Variants in FRMD5 observed in about 807,000 individuals in gnomAD.
FRMD5 encodes the protein FERM domain-containing protein 5.
A neutral mutation model predicts 69.0 loss-of-function variants in FRMD5; 20 were observed. The observed-to-expected ratio is 0.29, with a 90% confidence interval of 0.20 to 0.42. The LOEUF (loss-of-function observed/expected upper bound fraction) is 0.42. Among genes scored for constraint, FRMD5 ranks in the 10% least tolerant of loss-of-function variants. The pLI is 1.00. For synonymous variants in FRMD5, 271 were observed against 260.1 expected (o/e 1.04, Z -0.40); for missense variants, 595 against 708.6 (o/e 0.84, Z 1.82).
At chr15:43,898,118 C>T (rs2088958794) in intron 7 of FRMD5, among the ~76,000 whole-genome samples, 1 of 152,144 alleles carries the variant, frequency 6.6e-6, no homozygotes, top group South Asian at 2.1e-4. Context: ...TCTTGTAGGT[C>T]AGTGTCCTTT....
chr15:44,093,807 T>C (rs2140494903), intron 1 of FRMD5, among the ~76,000 whole-genome samples: 1 of 152,108 alleles, frequency 6.6e-6, no homozygotes, highest in Admixed American at 6.5e-5. Flanking sequence ...CTCCTAATGT[T>C]GTGATCCGCC....
intron 1 of FRMD5, among the ~76,000 whole-genome samples, chr15:44,022,994 T>C (rs1891278106): frequency 6.6e-6 from 1 of 152,028 alleles, no homozygotes; most frequent in South Asian, 2.1e-4. Flanking sequence ...AAAAAAGCAA[T>C]GGGGCAAATT....
At chr15:43,897,487 CAA>C (rs34243475) in intron 7 of FRMD5, among the ~76,000 whole-genome samples, 9 of 16,142 alleles carry the variant, frequency 5.6e-4, no homozygotes, top group Admixed American at 1.5e-3. Flanking sequence ...CACTCCATCT[CAA>C]AAAAAAAAAA....
chr15:44,192,223 T>G (rs553785790), intron 1 of FRMD5, among the ~76,000 whole-genome samples: 1 of 152,124 alleles, frequency 6.6e-6, no homozygotes, highest in East Asian at 1.9e-4. Flanking sequence ...AAATGCCAGA[T>G]CGGAATAAAT....
Position 43,872,980 on chromosome 15 carries a change from T to C in FRMD5, c.*905A>G. The C allele has an allele frequency of 1.8e-6, 1 of 563,780 alleles. No individual in the cohort carries two copies. Among genetic ancestry groups the C allele is most frequent in the Non-Finnish European group, 3.1e-6 (1 of 324,030 alleles). The allele number at this position is 563,780 out of a possible 1,614,324, so 34.9% of individuals were successfully genotyped here. On this transcript the variant is annotated 3_prime_UTR_variant, in exon 14 of 14. Transcript: ENST00000417257. ...TCTCAGGTAACTTAACTCTGCTTTC[T>C]CTTAACTACACTTTGTCCAACATTT... is the stretch of plus-strand genomic sequence containing the variant.
intron 1 of FRMD5, among the ~76,000 whole-genome samples, chr15:44,092,126 C>G (rs554562249): frequency 4.6e-5 from 7 of 152,196 alleles, no homozygotes; most frequent in African/African-American, 1.7e-4. Flanking sequence ...GGTCGTCACT[C>G]TCTTTTGGGA....
chr15:43,971,373 G>T (rs187797694), intron 1 of FRMD5, among the ~76,000 whole-genome samples: 4 of 152,194 alleles, frequency 2.6e-5, no homozygotes, highest in Admixed American at 1.3e-4. Context: ...GTCCCTCAGA[G>T]AGTACATCTG....
At chr15:43,919,037 G>C (rs762399368) in intron 4 of FRMD5, 31 of 302,614 alleles carry the variant, frequency 1.0e-4, no homozygotes, top group Non-Finnish European at 1.8e-4. Flanking sequence ...GTATCTCCCA[G>C]CTTATCTTTC....
At chr15:43,980,549 T>C (rs2090532360) in intron 1 of FRMD5, among the ~76,000 whole-genome samples, 1 of 152,234 alleles carries the variant, frequency 6.6e-6, no homozygotes, top group Non-Finnish European at 1.5e-5. Context: ...TCTCTTTCAA[T>C]ACTCCCTGGC....
chr15:44,127,996 C>T (rs1398924835), intron 1 of FRMD5, among the ~76,000 whole-genome samples: 1 of 152,182 alleles, frequency 6.6e-6, no homozygotes, highest in Non-Finnish European at 1.5e-5. Context: ...GCTTATGCTT[C>T]CATTTTTAAT....
intron 1 of FRMD5, among the ~76,000 whole-genome samples, chr15:44,175,445 A>T (rs181621925): frequency 5.3e-4 from 81 of 152,302 alleles, no homozygotes; most frequent in Non-Finnish European, 8.7e-4. Flanking sequence ...ATAACTTTTT[A>T]AAAAAATGTT....
At chr15:44,151,756 T>C (rs1478730309) in intron 1 of FRMD5, among the ~76,000 whole-genome samples, 2 of 152,256 alleles carry the variant, frequency 1.3e-5, no homozygotes, top group South Asian at 4.1e-4. Flanking sequence ...TTGGACTTCA[T>C]GAAAATTATA....
intron 1 of FRMD5, among the ~76,000 whole-genome samples, chr15:43,992,673 C>T (rs1451037059): frequency 1.4e-4 from 22 of 152,030 alleles, no homozygotes; most frequent in Non-Finnish European, 8.8e-5. Flanking sequence ...CCGCTGCACC[C>T]GGCTGGACTG....
chr15:43,952,726 T>A (rs139902053), intron 1 of FRMD5, among the ~76,000 whole-genome samples: 1 of 152,258 alleles, frequency 6.6e-6, no homozygotes, highest in African/African-American at 2.4e-5. Context: ...GTGGCCAGTA[T>A]GCAGCCATGC....
intron 1 of FRMD5, among the ~76,000 whole-genome samples, chr15:43,998,706 T>G (rs909913636): frequency 5.9e-5 from 9 of 152,212 alleles, no homozygotes; most frequent in Non-Finnish European, 8.8e-5. Context: ...GGCCAGAGGA[T>G]TCTATCCCTG....
intron 1 of FRMD5, among the ~76,000 whole-genome samples, chr15:44,122,716 C>T (rs531404137): frequency 3.3e-5 from 5 of 152,098 alleles, no homozygotes; most frequent in African/African-American, 4.8e-5. Flanking sequence ...CTGGCTAACA[C>T]GGTGAAACCC....
chr15:44,027,434 A>G (rs1891475955), intron 1 of FRMD5, among the ~76,000 whole-genome samples: 1 of 152,172 alleles, frequency 6.6e-6, no homozygotes, highest in Non-Finnish European at 1.5e-5. Flanking sequence ...TGCTGCAGTA[A>G]CAACCCCAAA....
intron 7 of FRMD5, among the ~76,000 whole-genome samples, chr15:43,900,939 C>A (rs1193706914): frequency 6.6e-6 from 1 of 152,142 alleles, no homozygotes; most frequent in Non-Finnish European, 1.5e-5. Context: ...ATGCGCTATA[C>A]ACTGTGTCTT....
intron 1 of FRMD5, among the ~76,000 whole-genome samples, chr15:44,102,840 T>C (rs1197765793): frequency 6.6e-6 from 1 of 152,240 alleles, no homozygotes; most frequent in African/African-American, 2.4e-5. Flanking sequence ...AGCTGTTCAC[T>C]GTGTGTGCCT....
Sources: gnomAD v4.1 joint callset for allele counts (sites outside exome capture counted in the v4.1 genomes callset) on GRCh38, gnomAD v4.1.1 for gene constraint, MANE v1.5 for transcripts, NCBI Gene and HGNC (gene_info 2026-07-23, HGNC 2026-07-21) for gene names.